The following TANC2 variants were observed in gnomAD, a reference collection of about 807,000 sequenced individuals.
TANC2 encodes the protein protein TANC2.
A neutral mutation model predicts 210.5 loss-of-function variants in TANC2; 26 were observed. The observed-to-expected ratio is 0.12, with a 90% CI of 0.09 to 0.17. TANC2 has a LOEUF of 0.17. Among genes scored for constraint, TANC2 ranks in the 10% least tolerant of loss-of-function variants. TANC2 has a pLI of 1.00. For missense variants in TANC2, 2,129 were observed against 2,608.9 expected (o/e 0.82, Z 4.01); for synonymous variants, 931 against 967.1 (o/e 0.96, Z 0.69).
intron 7 of TANC2, among the ~76,000 whole-genome samples, chr17:63,205,876 C>T (rs560606710): frequency 6.6e-6 from 1 of 152,098 alleles, no homozygotes; most frequent in South Asian, 2.1e-4. Flanking sequence ...CCACTGCACT[C>T]CAACCTGAGT....
chr17:63,247,814 C>T lies in TANC2; in HGVS notation c.1033+9737C>T, dbSNP rs151327032. ...ACTTCATCAGAAAATTATTTCTTGT[C>T]AGTGTTGAACATAATACAAACAGAC... On this transcript the variant is annotated intron_variant, in intron 8 of 27. Transcript: ENST00000689528. 6.3e-3 allele frequency among the ~76,000 whole-genome samples: 959 copies of T among 152,138 alleles called. 8 individuals are homozygous for T. The highest frequency in any genetic ancestry group is 8.5e-3 in the Admixed American group (130 of 15,278).
intron 1 of TANC2, among the ~76,000 whole-genome samples, chr17:63,002,516 C>T (rs1203938447): frequency 6.6e-6 from 1 of 152,082 alleles, no homozygotes. Flanking sequence ...TATGCTTTCT[C>T]CTATTTAAGC....
intron 14 of TANC2, among the ~76,000 whole-genome samples, chr17:63,359,427 T>C (rs565933721): frequency 4.4e-4 from 67 of 151,570 alleles, no homozygotes; most frequent in African/African-American, 1.5e-3. Flanking sequence ...CACTGCAACC[T>C]CTGCCTCCTG....
chr17:63,068,255 C>T (rs1198856156), intron 2 of TANC2, among the ~76,000 whole-genome samples: 1 of 151,966 alleles, frequency 6.6e-6, no homozygotes, highest in Admixed American at 6.6e-5. Flanking sequence ...GCAAATTAAA[C>T]AAGAATCAGA....
intron 9 of TANC2, chr17:63,313,325 A>G (rs1451818304): frequency 6.6e-6 from 1 of 152,236 alleles, no homozygotes; most frequent in Admixed American, 6.5e-5. Context: ...TTTCAGACAG[A>G]TAAAGTGATA....
chr17:63,052,052 GAGA>G lies in TANC2; in HGVS notation c.68-21888_68-21886del, dbSNP rs1481279601. 2.0e-5 allele frequency among the ~76,000 whole-genome samples: 3 copies of G among 152,176 alleles called. No individual in the cohort carries two copies. In the East Asian group the frequency reaches 5.8e-4, roughly 29 times the overall value. ...TAACGTGCTGAAGAAGCACAGAAGA[GAGA>G]AGTTCTTTCTGGTAGGCATCCAGAA... is the stretch of plus-strand genomic sequence containing the variant. On this transcript the variant is annotated intron_variant, in intron 2 of 27. Coordinates refer to ENST00000689528, the Ensembl canonical transcript of TANC2.
chr17:63,287,262 G>A (rs985468318), intron 9 of TANC2, among the ~76,000 whole-genome samples: 2 of 152,102 alleles, frequency 1.3e-5, no homozygotes, highest in African/African-American at 4.8e-5. Flanking sequence ...TTTATATCTA[G>A]AAGTTCAATT....
intron 21 of TANC2, among the ~76,000 whole-genome samples, chr17:63,410,967 CTT>C (rs1344500321): frequency 1.3e-5 from 2 of 148,574 alleles, no homozygotes; most frequent in South Asian, 2.2e-4. Flanking sequence ...AATAAGTTGA[CTT>C]ATGTTAAGCA....
chr17:63,164,171 G>A (rs1398620527), intron 5 of TANC2, among the ~76,000 whole-genome samples: 1 of 94,908 alleles, frequency 1.1e-5, no homozygotes, highest in African/African-American at 4.1e-5. Context: ...ATCTCGCTTT[G>A]TTGGTCAGGC....
At chr17:62,990,749 G>A (rs906959774) in intron 1 of TANC2, among the ~76,000 whole-genome samples, 9 of 152,150 alleles carry the variant, frequency 5.9e-5, no homozygotes, top group Admixed American at 3.3e-4. Context: ...GAGAGAAAAA[G>A]GAATATGTCT....
chr17:63,121,523 G>C (rs1296383542), intron 4 of TANC2, among the ~76,000 whole-genome samples: 2 of 152,032 alleles, frequency 1.3e-5, no homozygotes, highest in East Asian at 3.9e-4. Context: ...ACTTACCAAA[G>C]GGATCTGGGA....
At chr17:63,267,092 G>A (rs974667726) in intron 8 of TANC2, among the ~76,000 whole-genome samples, 6 of 151,994 alleles carry the variant, frequency 3.9e-5, no homozygotes, top group South Asian at 2.1e-4. Context: ...GGGCTCAAGC[G>A]ATCCACTCTC....
At chr17:63,030,831 GT>G (rs879751599) in intron 2 of TANC2, among the ~76,000 whole-genome samples, 1 of 150,810 alleles carries the variant, frequency 6.6e-6, no homozygotes, top group African/African-American at 2.5e-5. Context: ...ACCTAGTTTT[GT>G]TTTTTTTAAT....
At chr17:63,148,001 C>G (rs2039521165) in intron 4 of TANC2, among the ~76,000 whole-genome samples, 1 of 152,074 alleles carries the variant, frequency 6.6e-6, no homozygotes, top group African/African-American at 2.4e-5. Context: ...GGGCTAGGTA[C>G]TGTTTTGAGG....
At chr17:63,076,251 C>T (rs1406477248) in intron 3 of TANC2, among the ~76,000 whole-genome samples, 1 of 152,092 alleles carries the variant, frequency 6.6e-6, no homozygotes, top group Non-Finnish European at 1.5e-5. Context: ...AAACCAGAAA[C>T]ACTGTAGCCT....
intron 14 of TANC2, among the ~76,000 whole-genome samples, chr17:63,358,759 A>G (rs763925144): frequency 6.6e-6 from 1 of 152,226 alleles, no homozygotes; most frequent in African/African-American, 2.4e-5. Flanking sequence ...TTGTTAGGCA[A>G]CCTTTTAGTG....
At position 63,195,161 on chromosome 17, in the gene TANC2, C is replaced by A. The variant is rs185931517; in HGVS notation, c.582+1022C>A. ...CTCACTCCTTAGGTTATTGGTTTTG[C>A]TAGCTGCACATTATTTAAATACTAT... On this transcript the variant is annotated intron_variant, in intron 6 of 27. Coordinates refer to ENST00000689528, the Ensembl canonical transcript of TANC2. Among the ~76,000 whole-genome samples the A allele has an allele frequency of 5.3e-3, 810 of 152,248 alleles. 1 individual carries two copies. Among genetic ancestry groups the A allele is most frequent in the Non-Finnish European group, 8.1e-3 (551 of 67,992 alleles).
At chr17:63,306,051 C>T (rs911065354) in intron 9 of TANC2, among the ~76,000 whole-genome samples, 5 of 152,144 alleles carry the variant, frequency 3.3e-5, no homozygotes, top group South Asian at 2.1e-4. Flanking sequence ...AAGGGAATGA[C>T]GTAATGTGGT....
chr17:63,180,892 C>T (rs2040757561), intron 5 of TANC2, among the ~76,000 whole-genome samples: 1 of 151,522 alleles, frequency 6.6e-6, no homozygotes, highest in Non-Finnish European at 1.5e-5. Flanking sequence ...GCCATGGTGG[C>T]AGGTGCATGT....
Sources: gnomAD v4.1 joint callset for allele counts (sites outside exome capture counted in the v4.1 genomes callset) on GRCh38, gnomAD v4.1.1 for gene constraint, MANE v1.5 for transcripts, NCBI Gene and HGNC (gene_info 2026-07-23, HGNC 2026-07-21) for gene names.